The following LOC112694756 variants were observed in gnomAD, a reference collection of about 807,000 sequenced individuals.
At chr16:30,065,621 C>T in the LOC112694756 span, 1 of 152,184 alleles carries the variant, frequency 6.6e-6, no homozygotes, top group Non-Finnish European at 1.5e-5. Context: ...CCTAGCGCGG[C>T]CTCTGGGCTG....
At chr16:30,057,923 T>C in the LOC112694756 span, among the ~76,000 whole-genome samples, 2 of 151,410 alleles carry the variant, frequency 1.3e-5, no homozygotes, top group South Asian at 4.2e-4. Context: ...AGAGTGAGAC[T>C]CTGTCTCAAA....
the LOC112694756 span, chr16:30,069,013 C>T: frequency 6.2e-7 from 1 of 1,613,844 alleles, no homozygotes; most frequent in East Asian, 2.2e-5. Flanking sequence ...CAACCTCCTA[C>T]CTCATTTGGT....
the LOC112694756 span, chr16:30,068,824 A>G: frequency 1.2e-6 from 2 of 1,614,172 alleles, no homozygotes; most frequent in East Asian, 2.2e-5. Context: ...TTAGGGTTGG[A>G]TGGGCTGTCT....
At chr16:30,058,726 C>T in the LOC112694756 span, among the ~76,000 whole-genome samples, 3 of 151,946 alleles carry the variant, frequency 2.0e-5, no homozygotes, top group African/African-American at 7.3e-5. Flanking sequence ...TCGTGATCCG[C>T]CCGCCTTGGC....
At chr16:30,063,114 C>A in the LOC112694756 span, among the ~76,000 whole-genome samples, 18 of 151,090 alleles carry the variant, frequency 1.2e-4, no homozygotes, top group African/African-American at 3.9e-4. Flanking sequence ...GCACTCCACC[C>A]TGGGCAACAG....
the LOC112694756 span, chr16:30,054,444 AG>A: frequency 1.0e-5 from 2 of 200,452 alleles, no homozygotes; most frequent in Non-Finnish European, 2.0e-5. Flanking sequence ...GCAAAATTGC[AG>A]GTTGGATGAC....
chr16:30,063,380 C>T, the LOC112694756 span, among the ~76,000 whole-genome samples: 1 of 152,044 alleles, frequency 6.6e-6, no homozygotes. Flanking sequence ...TGCACAGACC[C>T]CGGGACTGTA....
At chr16:30,062,134 C>G in the LOC112694756 span, among the ~76,000 whole-genome samples, 1 of 151,884 alleles carries the variant, frequency 6.6e-6, no homozygotes, top group Admixed American at 6.6e-5. Context: ...ACCCGGGAGG[C>G]AGAGGTTGCC....
the LOC112694756 span, chr16:30,066,855 T>TA: frequency 6.5e-7 from 1 of 1,541,502 alleles, no homozygotes; most frequent in African/African-American, 1.4e-5. Flanking sequence ...CTTTACATTC[T>TA]AAAATACTCC....
chr16:30,055,843 A>G, the LOC112694756 span, among the ~76,000 whole-genome samples: 1 of 151,896 alleles, frequency 6.6e-6, no homozygotes, highest in Non-Finnish European at 1.5e-5. Context: ...TCTCTCGCCC[A>G]GGCTGGAGTG....
the LOC112694756 span, chr16:30,064,698 G>T: frequency 1.8e-5 from 7 of 382,016 alleles, no homozygotes. Context: ...ATGTGGGGCG[G>T]GCAGGAGCTG....
the LOC112694756 span, chr16:30,063,762 C>G: frequency 1.0e-5 from 4 of 399,564 alleles, no homozygotes; most frequent in Non-Finnish European, 1.8e-5. Flanking sequence ...CTGCTGCCCA[C>G]TCTGCGACTG....
At chr16:30,068,502 C>CT in the LOC112694756 span, 1 of 888,444 alleles carries the variant, frequency 1.1e-6, no homozygotes, top group Non-Finnish European at 1.8e-6. Context: ...ACCTAGGAGG[C>CT]TGAGGCGGGA....
At chr16:30,067,711 G>A in the LOC112694756 span, 2 of 1,607,248 alleles carry the variant, frequency 1.2e-6, no homozygotes, top group Non-Finnish European at 8.5e-7. Flanking sequence ...GTGGAGGAAG[G>A]AAATCCAGGT....
chr16:30,070,346 G>A, the LOC112694756 span: 11 of 805,124 alleles, frequency 1.4e-5, no homozygotes, highest in Admixed American at 2.1e-4. Flanking sequence ...GGTGTGTGGT[G>A]TCGTCTGTGA....
At chr16:30,056,713 A>T in the LOC112694756 span, among the ~76,000 whole-genome samples, 1 of 149,510 alleles carries the variant, frequency 6.7e-6, no homozygotes, top group African/African-American at 2.5e-5. Context: ...CAATCCTCCC[A>T]CCTCAGCCTC....
chr16:30,069,559 C>T, the LOC112694756 span: 3 of 1,614,150 alleles, frequency 1.9e-6, no homozygotes, highest in Admixed American at 5.0e-5. Context: ...AGGCACCTTG[C>T]TGAAGCCCAA....
the LOC112694756 span, chr16:30,067,790 G>A: frequency 9.6e-7 from 1 of 1,041,748 alleles, no homozygotes; most frequent in Non-Finnish European, 1.5e-6. Flanking sequence ...TCAGGCTTAG[G>A]GCATTTACTC....
chr16:30,069,374 G>A, the LOC112694756 span: 1 of 1,614,168 alleles, frequency 6.2e-7, no homozygotes, highest in Non-Finnish European at 8.5e-7. Context: ...AGCGCTGCCA[G>A]TATGTGACCG....
Sources: allele counts gnomAD v4.1 joint callset (sites outside exome capture counted in the v4.1 genomes callset), GRCh38; gene constraint gnomAD v4.1.1; transcripts MANE v1.5.